The following DMD variants were observed in gnomAD, a reference collection of about 807,000 sequenced individuals.
DMD encodes the protein mutant dystrophin.
DMD carries 63 observed loss-of-function variants against 330.1 expected under a neutral mutation model. The observed-to-expected ratio is 0.19, with a 90% CI of 0.16 to 0.24. The LOEUF is 0.24. Ranked by LOEUF, DMD falls within the 10% of genes least tolerant of loss-of-function variation. The pLI is 1.00. For missense variants in DMD, 3,344 were observed against 2,684.1 expected (o/e 1.25, Z -5.43); for synonymous variants, 1,223 against 959.8 (o/e 1.27, Z -5.07).
intron 50 of DMD, among the ~76,000 whole-genome samples, chrX:31,819,672 G>C (rs1333118218): frequency 8.9e-6 from 1 of 112,792 alleles, no homozygotes; most frequent in Non-Finnish European, 1.9e-5. Context: ...TGCGAGACTG[G>C]CTTAGGCCTC....
chrX:33,202,802 C>G (rs769014731), intron 1 of DMD, among the ~76,000 whole-genome samples: 1 of 111,564 alleles, frequency 9.0e-6, no homozygotes, highest in Admixed American at 9.5e-5. Flanking sequence ...AGTAGTTGTA[C>G]GCATATACAT....
intron 4 of DMD, among the ~76,000 whole-genome samples, chrX:32,832,703 T>C (rs1234734250): frequency 8.9e-6 from 1 of 111,855 alleles, no homozygotes; most frequent in African/African-American, 3.2e-5. Context: ...TTACACCACA[T>C]TTAAGATTTA....
At chrX:31,331,373 C>G (rs1171038061) in intron 61 of DMD, among the ~76,000 whole-genome samples, 6 of 108,658 alleles carry the variant, frequency 5.5e-5, no homozygotes, top group Non-Finnish European at 7.6e-5. Flanking sequence ...ATCTAATATC[C>G]AGTGCTGATG....
intron 1 of DMD, among the ~76,000 whole-genome samples, chrX:33,051,833 G>A (rs2094461917): frequency 9.2e-6 from 1 of 108,667 alleles, no homozygotes; most frequent in Non-Finnish European, 1.9e-5. Context: ...ATTTTTAGTA[G>A]AGACGGGGTT....
At chrX:31,760,277 T>C (rs1427235570) in intron 51 of DMD, among the ~76,000 whole-genome samples, 1 of 112,095 alleles carries the variant, frequency 8.9e-6, no homozygotes, top group Non-Finnish European at 1.9e-5. Flanking sequence ...ATTGATTTCT[T>C]AACCACTTTA....
At chrX:31,324,858 A>C (rs1180709202) in intron 61 of DMD, among the ~76,000 whole-genome samples, 1 of 112,223 alleles carries the variant, frequency 8.9e-6, no homozygotes, top group Admixed American at 9.4e-5. Context: ...AACAGCTTCT[A>C]ATAAAAGTTA....
At chrX:31,700,315 C>T (rs1464828823) in intron 52 of DMD, among the ~76,000 whole-genome samples, 2 of 111,976 alleles carry the variant, frequency 1.8e-5, no homozygotes, top group East Asian at 5.6e-4. Context: ...TTTAAAGATA[C>T]TAAACAGAAC....
intron 44 of DMD, among the ~76,000 whole-genome samples, chrX:32,188,020 G>A (rs944475381): frequency 9.0e-6 from 1 of 110,848 alleles, no homozygotes; most frequent in African/African-American, 3.3e-5. Context: ...TTTATCTGGT[G>A]ACAAATAGTT....
intron 65 of DMD, 55 bp from the exon 66 acceptor site, chrX:31,206,722 A>G (rs1160844172): frequency 8.2e-6 from 8 of 979,650 alleles, no homozygotes; most frequent in Non-Finnish European, 1.2e-5. Context: ...TAGAGGGTAA[A>G]CACTTCTAGT....
intron 12 of DMD, among the ~76,000 whole-genome samples, chrX:32,601,245 A>C (rs1451421793): frequency 8.9e-6 from 1 of 111,798 alleles, no homozygotes; most frequent in East Asian, 2.8e-4. Flanking sequence ...TACGGTATAT[A>C]ACTTTGTTAT....
intron 1 of DMD, among the ~76,000 whole-genome samples, chrX:33,117,335 A>T (rs1006665811): frequency 4.5e-5 from 5 of 110,762 alleles, no homozygotes; most frequent in Non-Finnish European, 7.6e-5. Flanking sequence ...TGTTACTTGA[A>T]ATTTGCTAAG....
intron 43 of DMD, among the ~76,000 whole-genome samples, chrX:32,230,497 G>A (rs1438986868): frequency 9.0e-6 from 1 of 111,332 alleles, no homozygotes; most frequent in Non-Finnish European, 1.9e-5. Context: ...CTTCTGCCTC[G>A]GCCTCCCAAA....
At chrX:31,596,516 T>C (rs989081162) in intron 55 of DMD, among the ~76,000 whole-genome samples, 4 of 111,767 alleles carry the variant, frequency 3.6e-5, no homozygotes, top group African/African-American at 1.3e-4. Flanking sequence ...GTTGGACCTT[T>C]GAAGTCCAGA....
intron 48 of DMD, 84 bp from the exon 49 acceptor site, chrX:31,836,903 C>T (rs1483494202): frequency 6.2e-6 from 5 of 812,433 alleles, no homozygotes; most frequent in Non-Finnish European, 9.2e-6. Context: ...TTGGAGACTC[C>T]ACATGTATTG....
At position 31,189,235 on chromosome X, in the gene DMD, G is replaced by A. The variant is rs1313366097; in HGVS notation, c.9808-6331C>T. On this transcript the variant is annotated intron_variant, in intron 67 of 78. Coordinates refer to ENST00000357033, the MANE Select transcript of DMD (RefSeq NM_004006.3). Reference sequence around the variant, plus strand: ...GGAGAAGGCAATTGGCATTTCAATTGTGAGGTTTGTGAAAACCATGTGAAC... The same window carrying A: ...GGAGAAGGCAATTGGCATTTCAATTATGAGGTTTGTGAAAACCATGTGAAC... 3.6e-5 allele frequency among the ~76,000 whole-genome samples: 4 copies of A among 111,750 alleles called. No homozygotes were observed. In the East Asian group the frequency reaches 1.1e-3, roughly 31 times the overall value.
chrX:32,924,343 C>T (rs1426856894), intron 2 of DMD, among the ~76,000 whole-genome samples: 1 of 110,626 alleles, frequency 9.0e-6, no homozygotes, highest in Non-Finnish European at 1.9e-5. Flanking sequence ...GCTTGGGAAA[C>T]ATAGCAAGAC....
intron 60 of DMD, among the ~76,000 whole-genome samples, chrX:31,423,792 C>T (rs185920571): frequency 1.8e-5 from 2 of 111,261 alleles, no homozygotes; most frequent in East Asian, 2.8e-4. Context: ...ATCTCAGGGA[C>T]GGCAAATTAG....
At chrX:32,199,726 G>A (rs113807228) in intron 44 of DMD, among the ~76,000 whole-genome samples, 2,238 of 107,612 alleles carry the variant, frequency 0.021, 59 homozygotes, top group African/African-American at 0.073. Flanking sequence ...CAATCTTCCC[G>A]CCTCAGCCTC....
chrX:31,809,109 TTA>T (rs764716656), intron 50 of DMD, among the ~76,000 whole-genome samples: 3 of 106,504 alleles, frequency 2.8e-5, no homozygotes, highest in South Asian at 3.9e-4. Context: ...ATAAAATCTC[TTA>T]TATATATATG....
Sources: gnomAD v4.1 joint callset for allele counts (sites outside exome capture counted in the v4.1 genomes callset) on GRCh38, gnomAD v4.1.1 for gene constraint, MANE v1.5 for transcripts, NCBI Gene and HGNC (gene_info 2026-07-23, HGNC 2026-07-21) for gene names.